DIAPH2: variants seen among roughly 807,000 people sequenced by gnomAD.
The protein encoded by DIAPH2 is diaphanous related formin 2.
DIAPH2 carries 35 observed loss-of-function variants against 92.7 expected under a neutral mutation model. That is an observed-to-expected ratio of 0.38 (90% confidence interval 0.29 to 0.50). The LOEUF (loss-of-function observed/expected upper bound fraction) is 0.50, where lower values mean the gene tolerates loss of function less well. DIAPH2 is among the 20% of genes least tolerant of loss of function. The probability of loss-of-function intolerance (pLI) is 0.94; values close to 1 mark genes in which losing one functional copy is unlikely to be tolerated. For missense variants in DIAPH2, 701 were observed against 819.5 expected, an observed-to-expected ratio of 0.86 and a Z score of 1.77; for synonymous variants, 301 against 280.4, an observed-to-expected ratio of 1.07 and a Z score of -0.73.
Position 96,886,235 on chromosome X carries a change from GA to G in DIAPH2, c.587+4518del, listed in dbSNP as rs1331150661. Among the ~76,000 whole-genome samples the G allele has an allele frequency of 3.6e-5, 4 of 109,988 alleles. No homozygotes were observed. In the Admixed American group the frequency reaches 3.9e-4, roughly 11 times the overall value. ...AGCCCTCAGTTACCTATACACTAAA[GA>G]TGGTGTCTTTCAAGATGCTAATTTT... On this transcript the variant is annotated intron_variant, in intron 5 of 26. Coordinates refer to ENST00000324765, the MANE Select transcript of DIAPH2 (RefSeq NM_006729.5).
At chrX:97,056,455 GT>G (rs2066557724) in intron 17 of DIAPH2, among the ~76,000 whole-genome samples, 1 of 111,513 alleles carries the variant, frequency 9.0e-6, no homozygotes. Flanking sequence ...ATGACCATAC[GT>G]ATTAAAGGGC....
chrX:97,403,505 G>T (rs945724548), intron 25 of DIAPH2, among the ~76,000 whole-genome samples: 114 of 112,091 alleles, frequency 1.0e-3, no homozygotes, highest in African/African-American at 3.5e-3. Flanking sequence ...AGATTTTGCC[G>T]ATGAGATTCC....
intron 23 of DIAPH2, among the ~76,000 whole-genome samples, chrX:97,306,128 C>G (rs1237974195): frequency 9.0e-6 from 1 of 111,298 alleles, no homozygotes; most frequent in Non-Finnish European, 1.9e-5. Flanking sequence ...CATTTCTGAT[C>G]AGATCCAGAT....
chrX:97,411,065 A>C (rs189874812), intron 25 of DIAPH2, among the ~76,000 whole-genome samples: 1 of 111,135 alleles, frequency 9.0e-6, no homozygotes, highest in African/African-American at 3.3e-5. Context: ...CGCCACAAAG[A>C]TACTCCTCAA....
intron 22 of DIAPH2, among the ~76,000 whole-genome samples, chrX:97,197,755 A>G (rs1037167925): frequency 8.9e-6 from 1 of 111,921 alleles, no homozygotes; most frequent in Non-Finnish European, 1.9e-5. Flanking sequence ...AGCTTAACAA[A>G]TGGCTGCTCT....
intron 4 of DIAPH2, among the ~76,000 whole-genome samples, chrX:96,766,654 T>G (rs1327892716): frequency 1.8e-5 from 2 of 111,859 alleles, no homozygotes; most frequent in Non-Finnish European, 3.8e-5. Flanking sequence ...AATAATCACT[T>G]TAAGTATTGC....
chrX:97,207,246 A>G, intron 22 of DIAPH2, among the ~76,000 whole-genome samples: 1 of 112,316 alleles, frequency 8.9e-6, no homozygotes, highest in Middle Eastern at 4.6e-3. Flanking sequence ...TACCAGTCGT[A>G]TAGCTTTAAT....
intron 26 of DIAPH2, among the ~76,000 whole-genome samples, chrX:97,500,922 A>T (rs979249184): frequency 9.3e-6 from 1 of 107,460 alleles, no homozygotes; most frequent in Non-Finnish European, 1.9e-5. Context: ...TTGAATCTAC[A>T]CTTCTATTCC....
At chrX:96,949,171 C>T in intron 15 of DIAPH2, 132 bp downstream of exon 15, 1 of 373,726 alleles carries the variant, frequency 2.7e-6, no homozygotes, top group Non-Finnish European at 4.7e-6. Context: ...ATTGAAATAA[C>T]TATACAGATT....
rs192832520 is a variant in DIAPH2 at position 97,206,887 on chromosome X, G to A, written c.2720-40828G>A. On this transcript the variant is annotated intron_variant, in intron 22 of 26. Coordinates refer to ENST00000324765, the MANE Select transcript of DIAPH2 (RefSeq NM_006729.5). ...AAGCATCCTTTCCAGTAATAATATC[G>A]TTTGGCAGAATTATTTTAATGGCCT... 1.4e-3 allele frequency among the ~76,000 whole-genome samples: 153 copies of A among 111,262 alleles called. 1 individual carries two copies. Among genetic ancestry groups the A allele is most frequent in the African/African-American group, 3.0e-3 (92 of 30,688 alleles).
Position 97,158,974 on chromosome X carries a change from CCAT to C in DIAPH2, c.2719+17183_2719+17185del, listed in dbSNP as rs1241297055. Among the ~76,000 whole-genome samples the C allele has an allele frequency of 4.5e-5, 5 of 112,334 alleles. No individual in the cohort carries two copies. In the East Asian group the frequency reaches 1.1e-3, roughly 25 times the overall value. On this transcript the variant is annotated intron_variant, in intron 22 of 26. Coordinates refer to ENST00000324765, the MANE Select transcript of DIAPH2 (RefSeq NM_006729.5). ...AAACAAAACACAGAAGTTTGAAAAA[CCAT>C]CAGGTATTGCTTTGAAAGGAATATA...
At chrX:97,180,272 T>A (rs1175663700) in intron 22 of DIAPH2, among the ~76,000 whole-genome samples, 2 of 112,600 alleles carry the variant, frequency 1.8e-5, no homozygotes, top group East Asian at 5.6e-4. Flanking sequence ...GAGCTTTTTT[T>A]CACATGTTTG....
chrX:97,535,496 G>A (rs1192960663), intron 26 of DIAPH2, among the ~76,000 whole-genome samples: 3 of 111,706 alleles, frequency 2.7e-5, no homozygotes, highest in Non-Finnish European at 5.6e-5. Flanking sequence ...CTATCGCCCA[G>A]GTTGGAGTGC....
chrX:97,007,713 G>T, intron 17 of DIAPH2, among the ~76,000 whole-genome samples: 1 of 100,256 alleles, frequency 1.0e-5, no homozygotes, highest in African/African-American at 3.6e-5. Context: ...GGTTTGGAAA[G>T]TTTTCTGATA....
In DIAPH2 at chrX:96,957,912, C is replaced by T. The variant is rs2065822498; in HGVS notation, c.1699C>T (p.Pro567Ser). Residue 567 changes from proline to serine, a missense_variant, in exon 16 of 27, where the codon CCC (proline) becomes TCC (serine). Pro to Ser is a moderately conservative substitution (Grantham distance 74). Transcript: ENST00000324765. ...AGGTGTAGGGCCGCCTCCACCACCACCCGCGCCACCTCTACCCGGAGGAGC... is the reference window on the plus strand; with the variant it reads ...AGGTGTAGGGCCGCCTCCACCACCATCCGCGCCACCTCTACCCGGAGGAGC... Reference protein sequence around the residue: ...LPGVGPPPPPPAPPLPGGAPL... With the variant: ...LPGVGPPPPPSAPPLPGGAPL... The T allele has an allele frequency of 1.7e-6, 2 of 1,208,403 alleles. No homozygotes were observed. Among genetic ancestry groups the T allele is most frequent in the African/African-American group, 3.5e-5 (2 of 56,725 alleles).
intron 1 of DIAPH2, among the ~76,000 whole-genome samples, chrX:96,733,991 A>G (rs1408983195): frequency 8.9e-6 from 1 of 111,955 alleles, no homozygotes; most frequent in Non-Finnish European, 1.9e-5. Flanking sequence ...ACTATAGATA[A>G]AAAGTATGTT....
At chrX:96,979,943 T>A (rs1017094676) in intron 17 of DIAPH2, among the ~76,000 whole-genome samples, 6 of 111,181 alleles carry the variant, frequency 5.4e-5, no homozygotes, top group Non-Finnish European at 7.5e-5. Flanking sequence ...CACAGCTGAG[T>A]TGGTGCAGGA....
intron 4 of DIAPH2, among the ~76,000 whole-genome samples, chrX:96,805,603 T>G (rs1445501084): frequency 9.0e-6 from 1 of 111,010 alleles, no homozygotes; most frequent in East Asian, 2.8e-4. Flanking sequence ...AAGTGCTACG[T>G]CAAACTTTTG....
chrX:96,757,862 A>G (rs1021436490), intron 3 of DIAPH2, among the ~76,000 whole-genome samples: 1 of 112,128 alleles, frequency 8.9e-6, no homozygotes, highest in African/African-American at 3.2e-5. Context: ...ATGTATATCT[A>G]TGTTATAAAC....
Sources: allele counts gnomAD v4.1 joint callset (sites outside exome capture counted in the v4.1 genomes callset), GRCh38; gene constraint gnomAD v4.1.1; transcripts MANE v1.5; gene names NCBI Gene and HGNC (gene_info 2026-07-23, HGNC 2026-07-21).